ZNF84: variants seen among roughly 807,000 people sequenced by gnomAD.
The protein encoded by ZNF84 is zinc finger protein 84.
A neutral mutation model predicts 14.8 loss-of-function variants in ZNF84; 12 were observed. The ratio of observed to expected loss-of-function variants is 0.81; its 90% CI spans 0.52 to 1.31. The LOEUF is 1.31. ZNF84 is among the 50% of genes most tolerant of loss of function. The pLI is 0.00. For missense variants in ZNF84, 859 were observed against 878.6 expected, an observed-to-expected ratio of 0.98 and a Z score of 0.28; for synonymous variants, 347 against 291.1, an observed-to-expected ratio of 1.19 and a Z score of -1.96.
intron 4 of ZNF84, among the ~76,000 whole-genome samples, chr12:133,051,851 C>G (rs893159908): frequency 2.6e-4 from 39 of 152,292 alleles, no homozygotes; most frequent in African/African-American, 7.2e-4. Flanking sequence ...GCAAGCAGGG[C>G]TTTCTATGGA....
chr12:133,061,574 G>C lies in ZNF84; in HGVS notation c.*2642G>C, dbSNP rs1296604043. The C allele has an allele frequency of 6.6e-6, 1 of 152,172 alleles. No individual in the cohort carries two copies. Among genetic ancestry groups the C allele is most frequent in the South Asian group, 2.1e-4 (1 of 4,834 alleles). The allele number at this position is 152,172 out of a possible 1,614,324, so 9.4% of individuals were successfully genotyped here. ...CAGTTACAGGGTGATGTTGTACTTT[G>C]TGATTTTTGCCCTATTTTTTCTTTC... On this transcript the variant is annotated 3_prime_UTR_variant, in exon 5 of 5. Coordinates refer to ENST00000539354, the MANE Select transcript of ZNF84 (RefSeq NM_001289971.2).
At chr12:133,043,250 T>A (rs1368274527) in intron 2 of ZNF84, among the ~76,000 whole-genome samples, 1 of 152,136 alleles carries the variant, frequency 6.6e-6, no homozygotes, top group African/African-American at 2.4e-5. Context: ...CAATCTCAGC[T>A]CACTGCAACC....
intron 4 of ZNF84, 81 bp from the exon 5 acceptor site, chr12:133,056,873 A>G (rs608270): frequency 0.95 from 1,235,600 of 1,298,744 alleles, 588,437 homozygotes; most frequent in East Asian, 1. Flanking sequence ...CAACCCCTCA[A>G]CATAGCATTT....
chr12:133,037,587 C>T (rs1178811866), intron 1 of ZNF84, 42 bp downstream of exon 1: 2 of 152,084 alleles, frequency 1.3e-5, no homozygotes, highest in African/African-American at 2.4e-5. Context: ...GCTGGGGGCT[C>T]CGGGAATGGC....
rs1954171517 is a variant in ZNF84 at position 133,057,033 on chromosome 12, A to G, written c.318A>G (p.Glu106=). The change falls in exon 5 of 5, where the codon GAA becomes GAG. Residue 106 remains glutamate (E), a synonymous_variant. Transcript: ENST00000539354. The stretch of plus-strand genomic sequence containing the variant: ...TTAAAATTATAAAAAGAGGTCATGA[A>G]TGTGATGCATTTGGAAAAAATTTCA... ...DKLKIIKRGH[E]CDAFGKNFNL... is the part of the protein sequence containing the mutation. The G allele has an allele frequency of 1.2e-5, 19 of 1,612,500 alleles. No homozygotes were observed. In the South Asian group the frequency reaches 2.0e-4, roughly 17 times the overall value.
intron 2 of ZNF84, among the ~76,000 whole-genome samples, chr12:133,046,923 T>A (rs1159148271): frequency 8.3e-5 from 12 of 144,306 alleles, no homozygotes; most frequent in Non-Finnish European, 1.4e-4. Flanking sequence ...TATATTATAT[T>A]ATTTTTAATA....
chr12:133,062,445 C>G lies in ZNF84; in HGVS notation c.*3513C>G, dbSNP rs987744810. 1 of 152,268 alleles carries G rather than the reference C, an allele frequency of 6.6e-6. No individual in the cohort carries two copies. Among genetic ancestry groups the G allele is most frequent in the African/African-American group, 2.4e-5 (1 of 41,464 alleles). 9.4% of individuals were successfully genotyped at this position (152,268 alleles called of 1,614,324 possible). ...CATTTGGAATCTGCATTTGAGACCT[C>G]TGCAGTCATTTGGTCATTCCAGCAA... On this transcript the variant is annotated 3_prime_UTR_variant, in exon 5 of 5. Transcript: ENST00000539354.
rs1487744190 is a variant in ZNF84, at chr12:133,054,541, A to G, written c.239-2413A>G. Among the ~76,000 whole-genome samples, 5 of 151,838 alleles carry G rather than the reference A, an allele frequency of 3.3e-5. No homozygotes were observed. In the East Asian group the frequency reaches 7.7e-4, roughly 24 times the overall value. ...TGGGATAGTTTTAGTGAAAGTACAC[A>G]TGGATTTTAAAGTTCTGTGCCTGAA... On this transcript the variant is annotated intron_variant, in intron 4 of 4. Coordinates refer to ENST00000539354, the MANE Select transcript of ZNF84 (RefSeq NM_001289971.2).
At chr12:133,038,794 C>A (rs1399975705) in intron 1 of ZNF84, 2 of 151,902 alleles carry the variant, frequency 1.3e-5, no homozygotes, top group Non-Finnish European at 2.9e-5. Context: ...CTTGATATTC[C>A]TACATATTTT....
At position 133,058,083 on chromosome 12, in the gene ZNF84, A is replaced by T; in HGVS notation, c.1368A>T (p.Glu456Asp). ...CACATCAGATGACACACACAGGAGA[A>T]AAACCCTTTATATGCAGTAAATGTG... ...LISHQMTHTG[E>D]KPFICSKCGK... The change falls in exon 5 of 5, where the codon GAA (glutamate) becomes GAT (aspartate). Residue 456 changes from glutamate (E) to aspartate (D), a missense_variant. By Grantham distance (45) the Glu-to-Asp change is conservative (BLOSUM62 2). Transcript: ENST00000539354. 1 of 1,611,460 alleles carries T rather than the reference A, an allele frequency of 6.2e-7. No individual in the cohort carries two copies. Among genetic ancestry groups the T allele is most frequent in the Non-Finnish European group, 8.5e-7 (1 of 1,179,352 alleles).
rs1190260587 is a variant in ZNF84 at position 133,057,504 on chromosome 12, T to C, written c.789T>C (p.Tyr263=). 21 of 1,614,080 alleles carry C rather than the reference T, an allele frequency of 1.3e-5. No individual in the cohort carries two copies. The highest frequency in any genetic ancestry group is 9.9e-5 in the South Asian group (9 of 91,094). The change falls in exon 5 of 5, where the codon TAT becomes TAC. Residue 263 remains tyrosine, a synonymous_variant. Coordinates refer to ENST00000539354, the MANE Select transcript of ZNF84 (RefSeq NM_001289971.2). ...GAACTCATACAGGAGAAAAACCTTA[T>C]AATTGTAGCCAGTGTGGGAAAGCCT... ...HHRTHTGEKP[Y]NCSQCGKAFS...
intron 3 of ZNF84, 37 bp downstream of exon 3, chr12:133,048,118 C>G (rs1196412184): frequency 5.0e-5 from 78 of 1,565,356 alleles, no homozygotes; most frequent in Non-Finnish European, 6.6e-5. Flanking sequence ...GGACTATGCC[C>G]AATGCATTGC....
chr12:133,042,659 G>A (rs1357597502), intron 2 of ZNF84, among the ~76,000 whole-genome samples: 1 of 152,162 alleles, frequency 6.6e-6, no homozygotes, highest in Non-Finnish European at 1.5e-5. Flanking sequence ...CTAGAGAAAC[G>A]CTAATAAACG....
rs1954218402 is a variant in ZNF84 at position 133,059,330 on chromosome 12, C to G, written c.*398C>G. 2.2e-5 allele frequency: 6 copies of G among 274,404 alleles called. No homozygotes were observed. Among genetic ancestry groups the G allele is most frequent in the Non-Finnish European group, 4.1e-5 (6 of 147,768 alleles). The allele number at this position is 274,404 out of a possible 1,614,324, so 17.0% of individuals were successfully genotyped here. On this transcript the variant is annotated 3_prime_UTR_variant, in exon 5 of 5. Transcript: ENST00000539354. The stretch of plus-strand genomic sequence containing the variant: ...AGTTCATTGTACATAAGAAAATGCT[C>G]TTAGGAATGAAGTTCTATGAAAGTA...
intron 4 of ZNF84, among the ~76,000 whole-genome samples, chr12:133,054,851 C>T (rs1954126867): frequency 1.3e-5 from 2 of 152,018 alleles, no homozygotes; most frequent in Non-Finnish European, 2.9e-5. Flanking sequence ...TAGTACCTAA[C>T]ACATTATATG....
At chr12:133,041,165 A>G (rs943013689) in intron 1 of ZNF84, 113 bp from the exon 2 acceptor site, 43 of 399,350 alleles carry the variant, frequency 1.1e-4, no homozygotes, top group Middle Eastern at 1.3e-3. Context: ...TTTCAGTTAT[A>G]TAGCAAGCGT....
Position 133,057,327 on chromosome 12 carries a change from G to T in ZNF84, c.612G>T (p.Glu204Asp). 1.9e-6 allele frequency: 3 copies of T among 1,613,390 alleles called. No individual in the cohort carries two copies. The highest frequency in any genetic ancestry group is 2.5e-6 in the Non-Finnish European group (3 of 1,179,878). The change falls in exon 5 of 5, where the codon GAG becomes GAT. Residue 204 changes from glutamate (E) to aspartate (D), a missense_variant. Coordinates refer to ENST00000539354, the MANE Select transcript of ZNF84 (RefSeq NM_001289971.2). ...TATATCATAGAAATCGTTTAGGGGA[G>T]AAACTCTATGAATGCAGTGAATGTA... ...IIIYHRNRLG[E>D]KLYECSECRK...
chr12:133,044,913 C>CA (rs1171770033), intron 2 of ZNF84, among the ~76,000 whole-genome samples: 129 of 138,644 alleles, frequency 9.3e-4, no homozygotes, highest in Admixed American at 5.1e-3. Flanking sequence ...GACTCCATCT[C>CA]AAAAAAAAAA....
intron 2 of ZNF84, among the ~76,000 whole-genome samples, chr12:133,043,420 C>A (rs1396608233): frequency 1.3e-5 from 2 of 152,146 alleles, no homozygotes; most frequent in African/African-American, 4.8e-5. Context: ...CTGCCTTAGC[C>A]CCCCAAAGTG....
Sources: allele counts gnomAD v4.1 joint callset (sites outside exome capture counted in the v4.1 genomes callset), GRCh38; gene constraint gnomAD v4.1.1; transcripts MANE v1.5; gene names NCBI Gene and HGNC (gene_info 2026-07-23, HGNC 2026-07-21).